DENND2B: variants seen among roughly 807,000 people sequenced by gnomAD.
DENND2B encodes DENN domain-containing protein 2B.
DENND2B carries 32 observed loss-of-function variants against 116.0 expected under a neutral mutation model. The observed-to-expected ratio is 0.28, with a 90% CI of 0.21 to 0.37. The LOEUF is 0.37. Ranked by LOEUF, DENND2B falls within the 10% of genes least tolerant of loss-of-function variation. DENND2B has a pLI of 1.00. For missense variants in DENND2B, 1,276 were observed against 1,477.7 expected, an observed-to-expected ratio of 0.86 and a Z score of 2.24; for synonymous variants, 588 against 583.9, an observed-to-expected ratio of 1.01 and a Z score of -0.10.
intron 1 of DENND2B, among the ~76,000 whole-genome samples, chr11:8,800,640 C>G (rs1010917002): frequency 6.6e-6 from 1 of 152,190 alleles, no homozygotes; most frequent in Non-Finnish European, 1.5e-5. Context: ...TGTCTGGGCT[C>G]AGCAGGCCCA....
intron 2 of DENND2B, among the ~76,000 whole-genome samples, chr11:8,869,627 A>G (rs568853632): frequency 6.6e-6 from 1 of 151,938 alleles, no homozygotes; most frequent in Non-Finnish European, 1.5e-5. Context: ...GCGCCACTGC[A>G]CTCCAGGGAC....
rs1364682503 is a variant in DENND2B at position 8,696,755 on chromosome 11, C to CA, written c.3053-90dup. 16 of 1,545,874 alleles carry CA rather than the reference C, an allele frequency of 1.0e-5. No homozygotes were observed. In the African/African-American group the frequency reaches 1.6e-4, roughly 16 times the overall value. On this transcript the variant is annotated intron_variant, in intron 17 of 19. Coordinates refer to ENST00000313726, the MANE Select transcript of DENND2B (RefSeq NM_213618.2). ...CCTGGTGTAGTCTTCCTCTCCCCAA[C>CA]AAGACTTCCAGCCAGTACCACTCTT...
chr11:8,723,529 CTCATTCGGGAGGACTT>C (rs1031305571), intron 4 of DENND2B, among the ~76,000 whole-genome samples: 2 of 152,140 alleles, frequency 1.3e-5, no homozygotes, highest in Non-Finnish European at 2.9e-5. Flanking sequence ...TGCCTACTCA[CTCATTCGGGAGGACTT>C]TCTTCCACTC....
chr11:8,891,301 G>A (rs1481625548), intron 1 of DENND2B, among the ~76,000 whole-genome samples: 1 of 152,182 alleles, frequency 6.6e-6, no homozygotes, highest in Non-Finnish European at 1.5e-5. Context: ...AAATTGTAAA[G>A]ACCATCAATG....
rs1338154898 is a variant in DENND2B, at chr11:8,730,083, T to G, written c.1207A>C (p.Lys403Gln). Residue 403 changes from lysine to glutamine, a missense_variant, in exon 3 of 20, where the codon AAG becomes CAG. Lys to Gln is a moderately conservative substitution (Grantham distance 53, BLOSUM62 1). This residue lies in a region of DENND2B where 856 missense variants were observed against 846.6 expected (regional missense o/e 1.01). Coordinates refer to ENST00000313726, the MANE Select transcript of DENND2B (RefSeq NM_213618.2). This position sits in a 1 kb window ranked among gnomAD's most constrained non-coding sequence, Gnocchi z 4.1. ...GGTAGACCATTACTGGGCTTACTCT[T>G]GGGGTTCTTGTCAGCCTCGTATTCA... ...TFEYEADKNP[K>Q]SKPSNGLPPS... The G allele has an allele frequency of 2.5e-6, 4 of 1,614,162 alleles. No individual in the cohort carries two copies. In the South Asian group the frequency reaches 4.4e-5, roughly 18 times the overall value.
chr11:8,714,662 C>T lies in DENND2B; in HGVS notation c.1890G>A (p.Lys630=). 6.2e-7 allele frequency: 1 copy of T among 1,614,226 alleles called. No individual in the cohort carries two copies. The change falls in exon 7 of 20, where the codon AAG becomes AAA. Residue 630 remains lysine (K), a synonymous_variant. Coordinates refer to ENST00000313726, the MANE Select transcript of DENND2B (RefSeq NM_213618.2). ...ACATAGACAACTTTTTTAATCTCTT[C>T]TTTCCTCTCTTGGCATTGTAGATGG... is the stretch of plus-strand genomic sequence containing the variant. ...INSIYNAKRG[K]KRLKKLSMSS...
intron 14 of DENND2B, among the ~76,000 whole-genome samples, chr11:8,701,511 T>G (rs57312436): frequency 0.028 from 4,272 of 152,090 alleles, 198 homozygotes; most frequent in African/African-American, 0.098. Flanking sequence ...TCCCTCTGTC[T>G]CTGTACTTTC....
intron 4 of DENND2B, among the ~76,000 whole-genome samples, chr11:8,819,678 C>T (rs543509471): frequency 2.4e-4 from 37 of 152,276 alleles, no homozygotes; most frequent in African/African-American, 8.4e-4. Context: ...TAAACCCAAC[C>T]TAAGGGATAT....
chr11:8,710,759 A>G (rs1263358913), intron 11 of DENND2B, 86 bp downstream of exon 11: 10 of 405,162 alleles, frequency 2.5e-5, no homozygotes, highest in Middle Eastern at 5.1e-4. Context: ...AAGGGCACAC[A>G]CACACACACA....
intron 2 of DENND2B, among the ~76,000 whole-genome samples, chr11:8,735,526 G>A (rs2048872642): frequency 6.6e-6 from 1 of 152,246 alleles, no homozygotes; most frequent in Non-Finnish European, 1.5e-5. Context: ...GAAAGGCCAC[G>A]CCTGCGTATC....
intron 2 of DENND2B, among the ~76,000 whole-genome samples, chr11:8,748,046 A>C (rs2055462): frequency 0.98 from 149,267 of 152,136 alleles, 73,280 homozygotes; most frequent in South Asian, 1. Flanking sequence ...TCCCTCTTCC[A>C]CCAAAGCTGG....
intron 1 of DENND2B, among the ~76,000 whole-genome samples, chr11:8,788,528 G>A (rs529317016): frequency 6.6e-6 from 1 of 152,232 alleles, no homozygotes; most frequent in Non-Finnish European, 1.5e-5. Context: ...CCCCAGCTCT[G>A]CAGTAAAGCA....
At chr11:8,836,189 T>C (rs374022321) in intron 4 of DENND2B, among the ~76,000 whole-genome samples, 1 of 18,442 alleles carries the variant, frequency 5.4e-5, no homozygotes, top group Non-Finnish European at 1.8e-4. Flanking sequence ...CTACTAAAAA[T>C]ACAAAAAAAA....
chr11:8,732,902 CT>C (rs1326101811), intron 2 of DENND2B, among the ~76,000 whole-genome samples: 1 of 152,256 alleles, frequency 6.6e-6, no homozygotes, highest in African/African-American at 2.4e-5. Flanking sequence ...CCAGCTGCCC[CT>C]GAGCCAGGCT....
At chr11:8,700,732 A>G (rs1399013029) in intron 14 of DENND2B, among the ~76,000 whole-genome samples, 1 of 152,220 alleles carries the variant, frequency 6.6e-6, no homozygotes, top group Non-Finnish European at 1.5e-5. Flanking sequence ...CATGTTGCCA[A>G]TAACCCATCC....
upstream of DENND2B, among the ~76,000 whole-genome samples, chr11:8,815,497 G>T (rs2061538158): frequency 6.6e-6 from 1 of 152,094 alleles, no homozygotes; most frequent in Non-Finnish European, 1.5e-5. Context: ...ACAGTGCACT[G>T]CCTGGTTCTT....
chr11:8,793,176 T>C (rs2059532866), intron 1 of DENND2B, among the ~76,000 whole-genome samples: 1 of 152,252 alleles, frequency 6.6e-6, no homozygotes, highest in Non-Finnish European at 1.5e-5. Context: ...CAGTATAATC[T>C]TTTCTTTCCA....
At chr11:8,832,288 T>C (rs374450398) in intron 4 of DENND2B, among the ~76,000 whole-genome samples, 181 of 151,956 alleles carry the variant, frequency 1.2e-3, no homozygotes, top group African/African-American at 4.0e-3. Context: ...CCGTCTCTAG[T>C]ACAAAATACA....
At chr11:8,780,800 G>A (rs114701676) in intron 1 of DENND2B, among the ~76,000 whole-genome samples, 1 of 152,202 alleles carries the variant, frequency 6.6e-6, no homozygotes, top group East Asian at 1.9e-4. Context: ...AGTGGTCCAC[G>A]AGGGCTAATG....
Sources: allele counts gnomAD v4.1 joint callset (sites outside exome capture counted in the v4.1 genomes callset), GRCh38; gene constraint gnomAD v4.1.1; regional missense constraint gnomAD v4.1.1; non-coding constraint Gnocchi (gnomAD v3.1); transcripts MANE v1.5; gene names NCBI Gene and HGNC (gene_info 2026-07-23, HGNC 2026-07-21).